The following PRG3 variants were observed in gnomAD, a reference collection of about 807,000 sequenced individuals.
PRG3 encodes proteoglycan 3, pro eosinophil major basic protein 2.
PRG3 carries 25 observed loss-of-function variants against 26.1 expected under a neutral mutation model. The ratio of observed to expected loss-of-function variants is 0.96; its 90% CI spans 0.70 to 1.34. PRG3 has a LOEUF of 1.34. PRG3 is among the 40% of genes most tolerant of loss of function. The pLI is 0.00. For missense variants in PRG3, 280 were observed against 264.8 expected (o/e 1.06, Z -0.40); for synonymous variants, 111 against 100.4 (o/e 1.11, Z -0.63).
rs576111460 is a variant in PRG3, at chr11:57,376,992, A to G, written c.620-84T>C. 8.2e-4 allele frequency: 1,162 copies of G among 1,420,856 alleles called. 21 individuals are homozygous for G. The South Asian group carries it at 0.013, about 16-fold the overall frequency. 88.0% of individuals were successfully genotyped at this position (1,420,856 alleles called of 1,614,324 possible). ...CTCTTTCCCTCCTCAGGGGCCCCCT[A>G]TGTCCCCATCTATGGCCATCGTCAT... is the stretch of plus-strand genomic sequence containing the variant. On this transcript the variant is annotated intron_variant, in intron 5 of 5. Transcript: ENST00000287143.
intron 4 of PRG3, 60 bp from the exon 5 acceptor site, chr11:57,377,896 AC>A: frequency 2.1e-6 from 3 of 1,410,246 alleles, no homozygotes; most frequent in Admixed American, 1.8e-5. Context: ...CTCATGGAAT[AC>A]CCCCTGTTGA....
In PRG3 at chr11:57,380,648, C is replaced by T. The variant is rs149309930; in HGVS notation, c.61G>A (p.Glu21Lys). Residue 21 changes from glutamate to lysine, a missense_variant and splice_region_variant, in exon 2 of 6, where the codon GAG becomes AAG. Transcript: ENST00000287143. ...LLGTVSALHL[E>K]NDAPHLESLE... The stretch of plus-strand genomic sequence containing the variant: ...ATGAGGAGGGAAGGGAGAGACTTAC[C>T]CAGATGAAGAGCAGAAACTGTTCCC... 1 of 1,572,392 alleles carries T rather than the reference C, an allele frequency of 6.4e-7. No individual in the cohort carries two copies. The highest frequency in any genetic ancestry group is 1.4e-5 in the African/African-American group (1 of 72,530).
chr11:57,380,787 A>G lies in PRG3; in HGVS notation c.-73-6T>C. 1.0e-6 allele frequency: 1 copy of G among 1,000,978 alleles called. No homozygotes were observed. The highest frequency in any genetic ancestry group is 1.4e-6 in the Non-Finnish European group (1 of 701,500). The allele number at this position is 1,000,978 out of a possible 1,614,324, so 62.0% of individuals were successfully genotyped here. Reference sequence around the variant, plus strand: ...TTGTGTGTCTAGTATAGCCCCTGGCACATAGTATAGAGGGAATATTTGTTT... The same window carrying G: ...TTGTGTGTCTAGTATAGCCCCTGGCGCATAGTATAGAGGGAATATTTGTTT... On this transcript the variant is annotated splice_polypyrimidine_tract_variant and splice_region_variant and intron_variant, in intron 1 of 5. Coordinates refer to ENST00000287143, the MANE Select transcript of PRG3 (RefSeq NM_006093.4).
chr11:57,380,582 G>C, intron 2 of PRG3, 66 bp downstream of exon 2: 1 of 1,391,198 alleles, frequency 7.2e-7, no homozygotes, highest in Non-Finnish European at 9.8e-7. Context: ...ATAAAAGCGG[G>C]GGGAGGGGAG....
rs1856980561 is a variant in PRG3 at position 57,379,758 on chromosome 11, G to T, written c.111C>A (p.Gly37=). ...GCTCCTTTGAACTATCCAGATCCTG[G>T]CCTAGGTCTGCCTGTGTCTCTAGGC... ...LESLETQADL[G]QDLDSSKEQE... The change falls in exon 3 of 6, where the codon GGC becomes GGA. Residue 37 remains glycine, a synonymous_variant. Coordinates refer to ENST00000287143, the MANE Select transcript of PRG3 (RefSeq NM_006093.4). The T allele has an allele frequency of 6.2e-7, 1 of 1,613,648 alleles. No homozygotes were observed. The highest frequency in any genetic ancestry group is 8.5e-7 in the Non-Finnish European group (1 of 1,179,936).
intron 2 of PRG3, among the ~76,000 whole-genome samples, chr11:57,380,233 C>G (rs1856985230): frequency 6.6e-6 from 1 of 152,104 alleles, no homozygotes; most frequent in Non-Finnish European, 1.5e-5. Context: ...AACCCCATCT[C>G]TACTAAAAAT....
intron 3 of PRG3, among the ~76,000 whole-genome samples, chr11:57,379,051 T>C (rs1856972621): frequency 6.6e-6 from 1 of 152,236 alleles, no homozygotes; most frequent in Non-Finnish European, 1.5e-5. Context: ...CCAAACACTT[T>C]TCATGTATTA....
In PRG3 at chr11:57,378,710, CCTGGG is replaced by C. The variant is rs1336757801; in HGVS notation, c.473_477del (p.Ala158GlyfsTer20). The C allele has an allele frequency of 1.2e-6, 2 of 1,613,678 alleles. No individual in the cohort carries two copies. The highest frequency in any genetic ancestry group is 1.7e-6 in the Non-Finnish European group (2 of 1,179,898). On this transcript the variant is annotated frameshift_variant, in exon 4 of 6. Transcript: ENST00000287143. LOFTEE classifies it high-confidence loss of function. ...CCCCTGAGGTTGCCTCCAATCCAGA[CCTGGG>C]CTTGGTTGACTGTGCTAGTGCAGCA...
intron 5 of PRG3, 81 bp downstream of exon 5, chr11:57,377,644 G>T: frequency 8.5e-7 from 1 of 1,177,414 alleles, no homozygotes; most frequent in Non-Finnish European, 1.2e-6. Flanking sequence ...TTGGGGAGGT[G>T]TGTTCAGGCA....
At position 57,378,724 on chromosome 11, in the gene PRG3, A is replaced by G; in HGVS notation, c.464T>C (p.Val155Ala). The G allele has an allele frequency of 6.2e-7, 1 of 1,613,764 alleles. No individual in the cohort carries two copies. Among genetic ancestry groups the G allele is most frequent in the Non-Finnish European group, 8.5e-7 (1 of 1,179,854 alleles). ...TCCAATCCAGACCTGGGCTTGGTTG[A>G]CTGTGCTAGTGCAGCACTGAATGCG... is the stretch of plus-strand genomic sequence containing the variant. ...NYRIQCCTST[V>A]NQAQVWIGGN... The change falls in exon 4 of 6, where the codon GTC (valine) becomes GCC (alanine). Residue 155 changes from valine to alanine, a missense_variant. By Grantham distance (64) the Val-to-Ala change is moderately conservative. Coordinates refer to ENST00000287143, the MANE Select transcript of PRG3 (RefSeq NM_006093.4).
At chr11:57,380,472 A>G (rs554668093) in intron 2 of PRG3, among the ~76,000 whole-genome samples, 176 bp downstream of exon 2, 1 of 152,278 alleles carries the variant, frequency 6.6e-6, no homozygotes, top group Admixed American at 6.5e-5. Context: ...CAAAAAAGAG[A>G]AAGTTCCAGG....
chr11:57,380,797 G>C lies in PRG3; in HGVS notation c.-73-16C>G. The C allele has an allele frequency of 1.1e-6, 1 of 902,400 alleles. No individual in the cohort carries two copies. The highest frequency in any genetic ancestry group is 3.3e-5 in the East Asian group (1 of 30,350). The allele number at this position is 902,400 out of a possible 1,614,324, so 55.9% of individuals were successfully genotyped here. A position where few individuals can be genotyped will look rare whatever the true frequency, so the allele number is the denominator to read the frequency against. ...AGTATAGCCCCTGGCACATAGTATA[G>C]AGGGAATATTTGTTTAATTGTTTGA... On this transcript the variant is annotated splice_polypyrimidine_tract_variant and intron_variant, in intron 1 of 5. Transcript: ENST00000287143.
chr11:57,376,956 C>T, intron 5 of PRG3, 48 bp from the exon 6 acceptor site: 2 of 1,603,198 alleles, frequency 1.2e-6, no homozygotes, highest in Admixed American at 1.7e-5. Context: ...GGGGTCTGGC[C>T]TGGGCTTCAC....
chr11:57,380,499 A>C, intron 2 of PRG3, 149 bp downstream of exon 2: 1 of 630,660 alleles, frequency 1.6e-6, no homozygotes, highest in Non-Finnish European at 2.7e-6. Flanking sequence ...TTCTGAGTCC[A>C]AGTGATATCT....
chr11:57,380,413 A>AC (rs1415418972), intron 2 of PRG3, among the ~76,000 whole-genome samples: 4 of 9,986 alleles, frequency 4.0e-4, no homozygotes, highest in Non-Finnish European at 3.0e-3. Context: ...ACAAAACAAA[A>AC]AACAAACAAA....
Position 57,378,832 on chromosome 11 carries a change from A to G in PRG3, c.376-20T>C, listed in dbSNP as rs1167008829. The G allele has an allele frequency of 1.9e-6, 3 of 1,612,450 alleles. No homozygotes were observed. Among genetic ancestry groups the G allele is most frequent in the Non-Finnish European group, 2.5e-6 (3 of 1,179,120 alleles). On this transcript the variant is annotated intron_variant, in intron 3 of 5. Coordinates refer to ENST00000287143, the MANE Select transcript of PRG3 (RefSeq NM_006093.4). ...GACATTCTGCAGACGGAAACAAAGT[A>G]GAGAATTCCCTCTCATTTATTTCAA...
Position 57,379,486 on chromosome 11 carries a change from C to G in PRG3, c.375+8G>C. 6.2e-7 allele frequency: 1 copy of G among 1,601,288 alleles called. No individual in the cohort carries two copies. ...CAGGTCCTCCGCAGTAGCCTCCCTA[C>G]TACTTACCTGAGCTTCTGCAAAAGT... On this transcript the variant is annotated splice_region_variant and intron_variant, in intron 3 of 5. Transcript: ENST00000287143.
chr11:57,379,523 G>T lies in PRG3; in HGVS notation c.346C>A (p.Arg116=). The change falls in exon 3 of 6, where the codon CGG becomes AGG. Residue 116 remains arginine (R), a synonymous_variant. Transcript: ENST00000287143. Reference sequence around the variant, plus strand: ...GCTTCTGCAAAAGTTTTAGGAGTCCGCACCAATAGGTAGCGGCAGATCTTG... The same window carrying T: ...GCTTCTGCAAAAGTTTTAGGAGTCCTCACCAATAGGTAGCGGCAGATCTTG... ...RCKICRYLLV[R]TPKTFAEAQN... The T allele has an allele frequency of 6.2e-7, 1 of 1,612,958 alleles. No individual in the cohort carries two copies. The highest frequency in any genetic ancestry group is 8.5e-7 in the Non-Finnish European group (1 of 1,179,486).
chr11:57,380,824 T>A, intron 1 of PRG3, 43 bp from the exon 2 acceptor site: 1 of 724,252 alleles, frequency 1.4e-6, no homozygotes, highest in Non-Finnish European at 2.1e-6. Flanking sequence ...ATTGTTTGAT[T>A]AAAGAGCAAA....
Sources: gnomAD v4.1 joint callset for allele counts (sites outside exome capture counted in the v4.1 genomes callset) on GRCh38, gnomAD v4.1.1 for gene constraint, MANE v1.5 for transcripts, NCBI Gene and HGNC (gene_info 2026-07-23, HGNC 2026-07-21) for gene names.